CFAP47: variants seen among roughly 807,000 people sequenced by gnomAD.
The protein encoded by CFAP47 is cilia and flagella associated protein 47.
Under a neutral mutation model 148.1 loss-of-function variants are expected in CFAP47, and 29 were observed. The ratio of observed to expected loss-of-function variants is 0.20; its 90% CI spans 0.15 to 0.27. The LOEUF is 0.27. Among genes scored for constraint, CFAP47 ranks in the 10% least tolerant of loss-of-function variants. The pLI, the probability that CFAP47 is intolerant of heterozygous loss-of-function variation, is 1.00. For missense variants in CFAP47, 1,872 were observed against 1,697.5 expected (o/e 1.10, Z -1.81); for synonymous variants, 664 against 577.3 (o/e 1.15, Z -2.15).
chrX:35,956,358 A>G (rs1376321838), intron 8 of CFAP47, among the ~76,000 whole-genome samples, 162 bp downstream of exon 8: 2 of 111,843 alleles, frequency 1.8e-5, no homozygotes, highest in African/African-American at 6.5e-5. Context: ...CTCATATAGA[A>G]TCCATAATGA....
intron 45 of CFAP47, among the ~76,000 whole-genome samples, chrX:36,219,790 C>T (rs1305729808): frequency 4.5e-5 from 5 of 111,352 alleles, no homozygotes; most frequent in South Asian, 3.8e-4. Flanking sequence ...CCCACCTTTT[C>T]GGACTGAACC....
chrX:35,951,245 T>C lies in CFAP47; in HGVS notation c.771T>C (p.Phe257=). The change falls in exon 5 of 64, where the codon TTT becomes TTC. Residue 257 remains phenylalanine, a synonymous_variant. Coordinates refer to ENST00000378653, the MANE Select transcript of CFAP47 (RefSeq NM_001304548.2). ...SSDRRLECIH[F]GPVFFGSSKI... ...ACAGAAGGCTGGAATGCATACACTT[T>C]GGTCCTGTTTTCTTCGGATCATCAA... The C allele has an allele frequency of 8.3e-7, 1 of 1,209,134 alleles. No homozygotes were observed. Among genetic ancestry groups the C allele is most frequent in the Middle Eastern group, 2.3e-4 (1 of 4,351 alleles).
At chrX:35,987,741 G>A (rs890284466) in intron 15 of CFAP47, among the ~76,000 whole-genome samples, 1 of 111,742 alleles carries the variant, frequency 8.9e-6, no homozygotes, top group African/African-American at 3.3e-5. Flanking sequence ...GGTGGCATAG[G>A]CACCTGAGGG....
chrX:36,279,547 G>A, intron 49 of CFAP47, among the ~76,000 whole-genome samples: 1 of 111,681 alleles, frequency 9.0e-6, no homozygotes, highest in Non-Finnish European at 1.9e-5. Flanking sequence ...GCAAAGGTTT[G>A]TTTATGTCAA....
chrX:36,374,858 T>C lies in CFAP47; in HGVS notation c.9186-4492T>C, dbSNP rs1313352140. 3 of 1,096,078 alleles carry C rather than the reference T, an allele frequency of 2.7e-6. No homozygotes were observed. In the South Asian group the frequency reaches 5.6e-5, roughly 20 times the overall value. 90.3% of individuals were successfully genotyped at this position (1,096,078 alleles called of 1,213,427 possible). ...CGTCTTGCTTCTTCATGGTCCATGA[T>C]GCCAGCTGAGGTTGTCAGTATAATG... On this transcript the variant is annotated intron_variant, in intron 62 of 63. Transcript: ENST00000378653.
rs753369501 is a variant in CFAP47, at chrX:35,971,833, TAATG to T, written c.2158-32_2158-29del. On this transcript the variant is annotated intron_variant, in intron 12 of 63. Coordinates refer to ENST00000378653, the MANE Select transcript of CFAP47 (RefSeq NM_001304548.2). ...GAATTCTTAAAATAGCTTTTGCTAA[TAATG>T]AATAATTCTGGAAAAATATGATTTT... 13 of 1,184,520 alleles carry T rather than the reference TAATG, an allele frequency of 1.1e-5. No homozygotes were observed. In the South Asian group the frequency reaches 2.2e-4, roughly 20 times the overall value.
chrX:36,384,256 G>A (rs911011703), intron 63 of CFAP47, among the ~76,000 whole-genome samples: 1 of 111,359 alleles, frequency 9.0e-6, no homozygotes, highest in Non-Finnish European at 1.9e-5. Context: ...CACAAGAATT[G>A]CTTGAACCCG....
At chrX:36,338,944 A>T (rs1376678481) in intron 57 of CFAP47, among the ~76,000 whole-genome samples, 2 of 112,059 alleles carry the variant, frequency 1.8e-5, no homozygotes, top group East Asian at 5.6e-4. Flanking sequence ...ACGTAACACC[A>T]TAAGTGCTAT....
chrX:35,998,954 A>T (rs958579714), intron 19 of CFAP47, among the ~76,000 whole-genome samples: 16 of 111,513 alleles, frequency 1.4e-4, no homozygotes, highest in African/African-American at 5.2e-4. Context: ...ATATTCCCTT[A>T]TAGCATTTTA....
chrX:36,175,573 C>G (rs1259777834), intron 39 of CFAP47, among the ~76,000 whole-genome samples: 1 of 111,960 alleles, frequency 8.9e-6, no homozygotes, highest in Admixed American at 9.5e-5. Flanking sequence ...AAGTGTCAGT[C>G]TGCCCCTGCT....
intron 33 of CFAP47, among the ~76,000 whole-genome samples, chrX:36,137,295 A>T (rs1335637190): frequency 1.8e-5 from 2 of 111,605 alleles, no homozygotes; most frequent in East Asian, 5.7e-4. Context: ...CGCATTCAAC[A>T]TAGGGATTAT....
intron 8 of CFAP47, 127 bp downstream of exon 8, chrX:35,956,323 A>G: frequency 1.9e-6 from 1 of 527,594 alleles, no homozygotes; most frequent in Non-Finnish European, 3.1e-6. Flanking sequence ...TCTGCAGCCT[A>G]GTTATGAAGA....
chrX:36,026,987 A>G (rs1006316082), intron 22 of CFAP47, among the ~76,000 whole-genome samples: 5 of 107,866 alleles, frequency 4.6e-5, no homozygotes, highest in African/African-American at 1.3e-4. Flanking sequence ...TATCCATTAT[A>G]TGCTACTCAG....
At chrX:36,160,392 G>A (rs1162126031) in intron 38 of CFAP47, among the ~76,000 whole-genome samples, 2 of 111,781 alleles carry the variant, frequency 1.8e-5, no homozygotes, top group Admixed American at 1.9e-4. Flanking sequence ...TGGTGGTTCT[G>A]GGGGTAGACA....
intron 23 of CFAP47, among the ~76,000 whole-genome samples, chrX:36,034,733 T>C (rs1937319027): frequency 9.0e-6 from 1 of 110,923 alleles, no homozygotes; most frequent in Non-Finnish European, 1.9e-5. Context: ...TACTACCAAA[T>C]GTTCCAGGCT....
intron 17 of CFAP47, 80 bp from the exon 18 acceptor site, chrX:35,993,110 G>A (rs1159563303): frequency 4.8e-5 from 13 of 272,292 alleles, no homozygotes; most frequent in Non-Finnish European, 7.7e-5. Flanking sequence ...CTAGGTAGTG[G>A]CATGGAGGCT....
chrX:36,233,659 G>C (rs1940405567), intron 46 of CFAP47, among the ~76,000 whole-genome samples: 1 of 111,590 alleles, frequency 9.0e-6, no homozygotes, highest in African/African-American at 3.3e-5. Context: ...CTGTCATTAT[G>C]ATGTTAGCTG....
intron 2 of CFAP47, among the ~76,000 whole-genome samples, chrX:35,935,369 G>A (rs7056561): frequency 0.19 from 20,711 of 110,570 alleles, 1,595 homozygotes; most frequent in African/African-American, 0.28. Context: ...TCAATGCAGT[G>A]ACTCACAATT....
At chrX:36,235,746 T>C (rs1940454560) in intron 46 of CFAP47, among the ~76,000 whole-genome samples, 188 bp from the exon 47 acceptor site, 1 of 112,595 alleles carries the variant, frequency 8.9e-6, no homozygotes, top group Non-Finnish European at 1.9e-5. Flanking sequence ...GAGCTGTTCC[T>C]ATTCGGCCAT....
Sources: gnomAD v4.1 joint callset for allele counts (sites outside exome capture counted in the v4.1 genomes callset) on GRCh38, gnomAD v4.1.1 for gene constraint, MANE v1.5 for transcripts, NCBI Gene and HGNC (gene_info 2026-07-23, HGNC 2026-07-21) for gene names.